Variants in NELL1 observed in about 807,000 individuals in gnomAD.
NELL1 encodes the protein protein kinase C-binding protein NELL1.
A neutral mutation model predicts 107.4 loss-of-function variants in NELL1; 76 were observed. The observed-to-expected ratio is 0.71, with a 90% CI of 0.59 to 0.86. The LOEUF (loss-of-function observed/expected upper bound fraction) is 0.86. Among genes scored for constraint, NELL1 ranks in the 40% least tolerant of loss-of-function variants. NELL1 has a pLI of 0.00. For missense variants in NELL1, 1,024 were observed against 1,005.5 expected, an observed-to-expected ratio of 1.02 and a Z score of -0.25; for synonymous variants, 353 against 341.2, an observed-to-expected ratio of 1.03 and a Z score of -0.38.
chr11:20,988,018 C>A (rs1851887070), intron 12 of NELL1, among the ~76,000 whole-genome samples: 1 of 152,100 alleles, frequency 6.6e-6, no homozygotes, highest in African/African-American at 2.4e-5. Context: ...AACAACTAAA[C>A]CATCCCTGTG....
At chr11:21,168,358 T>A (rs1856530046) in intron 13 of NELL1, among the ~76,000 whole-genome samples, 1 of 151,872 alleles carries the variant, frequency 6.6e-6, no homozygotes, top group Non-Finnish European at 1.5e-5. Context: ...CATCTCACTG[T>A]AATTCAGATA....
chr11:20,822,114 A>T (rs1857769213), intron 3 of NELL1, among the ~76,000 whole-genome samples: 1 of 152,198 alleles, frequency 6.6e-6, no homozygotes, highest in Non-Finnish European at 1.5e-5. Context: ...GGAGCAGATG[A>T]TAACTAGCAG....
At chr11:21,146,638 A>G (rs1855984980) in intron 13 of NELL1, among the ~76,000 whole-genome samples, 2 of 152,234 alleles carry the variant, frequency 1.3e-5, no homozygotes, top group South Asian at 4.1e-4. Flanking sequence ...GGTAGAGTAT[A>G]GCTATGAGAG....
chr11:20,757,316 T>A (rs1345648108), intron 2 of NELL1, among the ~76,000 whole-genome samples: 1 of 152,206 alleles, frequency 6.6e-6, no homozygotes, highest in African/African-American at 2.4e-5. Flanking sequence ...TTTATCTTCC[T>A]ACCCCATCAC....
At position 21,113,584 on chromosome 11, in the gene NELL1, T is replaced by C; in HGVS notation, c.1301-5T>C. ...CCATGATCTTACTTATTTTTTTTCC[T>C]TCAGATATTGATGAGTGTGCAGCTA... On this transcript the variant is annotated splice_region_variant and splice_polypyrimidine_tract_variant and intron_variant, in intron 12 of 19. Transcript: ENST00000357134. The C allele has an allele frequency of 6.2e-7, 1 of 1,608,820 alleles. No individual in the cohort carries two copies. Among genetic ancestry groups the C allele is most frequent in the Non-Finnish European group, 8.5e-7 (1 of 1,177,198 alleles).
At chr11:21,426,506 A>G (rs1333898423) in intron 15 of NELL1, among the ~76,000 whole-genome samples, 5 of 152,250 alleles carry the variant, frequency 3.3e-5, no homozygotes, top group Admixed American at 6.5e-5. Flanking sequence ...AATATTCTTG[A>G]GGAGACATAC....
intron 14 of NELL1, among the ~76,000 whole-genome samples, chr11:21,266,071 G>T (rs1486137366): frequency 6.6e-6 from 1 of 151,894 alleles, no homozygotes; most frequent in Non-Finnish European, 1.5e-5. Flanking sequence ...CTTAAGATTG[G>T]ATGATTCCCT....
At chr11:21,131,386 C>A (rs896945406) in intron 13 of NELL1, among the ~76,000 whole-genome samples, 3 of 152,122 alleles carry the variant, frequency 2.0e-5, no homozygotes, top group Non-Finnish European at 4.4e-5. Context: ...GAGAGGAAAG[C>A]ATTTGGTATT....
intron 15 of NELL1, among the ~76,000 whole-genome samples, chr11:21,389,958 G>A (rs1361830628): frequency 6.6e-6 from 1 of 151,668 alleles, no homozygotes; most frequent in Non-Finnish European, 1.5e-5. Flanking sequence ...GCATGCTTAG[G>A]TGTAGTTTTA....
chr11:21,402,691 C>G (rs1203405060), intron 15 of NELL1, among the ~76,000 whole-genome samples: 1 of 150,128 alleles, frequency 6.7e-6, no homozygotes, highest in African/African-American at 2.5e-5. Context: ...AAGAACAAGT[C>G]CTTGGTACCT....
rs2134018408 is a variant in NELL1 at position 21,575,152 on chromosome 11, C to T, written c.*130C>T. 1.2e-6 allele frequency: 1 copy of T among 810,828 alleles called. No individual in the cohort carries two copies. Among genetic ancestry groups the T allele is most frequent in the Non-Finnish European group, 2.0e-6 (1 of 490,856 alleles). The allele number at this position is 810,828 out of a possible 1,614,324, so 50.2% of individuals were successfully genotyped here. ...AACCACAGATAATTGCCAAAGTTTC[C>T]ACCTGAGGACGGTGTTTGGAGGTTG... On this transcript the variant is annotated 3_prime_UTR_variant, in exon 20 of 20. Coordinates refer to ENST00000357134, the MANE Select transcript of NELL1 (RefSeq NM_006157.5).
intron 12 of NELL1, among the ~76,000 whole-genome samples, chr11:21,028,950 A>C (rs1176528635): frequency 6.6e-6 from 1 of 152,182 alleles, no homozygotes; most frequent in African/African-American, 2.4e-5. Context: ...ATTTAGTAGA[A>C]ACAGATTCCC....
chr11:20,762,462 T>G lies in NELL1; in HGVS notation c.185-21218T>G, dbSNP rs75483525. 1.2e-3 allele frequency among the ~76,000 whole-genome samples: 178 copies of G among 152,326 alleles called. 1 individual carries two copies. The highest frequency in any genetic ancestry group is 4.0e-3 in the African/African-American group (167 of 41,568). On this transcript the variant is annotated intron_variant, in intron 2 of 19. Coordinates refer to ENST00000357134, the MANE Select transcript of NELL1 (RefSeq NM_006157.5). ...CTGGATGAAATAAGAAAAGCAAAGC[T>G]TCAAATCATAATTAGGGCATAAAAA...
At chr11:20,755,061 A>G (rs140992847) in intron 2 of NELL1, among the ~76,000 whole-genome samples, 3 of 152,304 alleles carry the variant, frequency 2.0e-5, no homozygotes, top group African/African-American at 7.2e-5. Context: ...ACATGTACAT[A>G]TCTGGCCTGA....
intron 13 of NELL1, among the ~76,000 whole-genome samples, chr11:21,175,206 G>A (rs555770650): frequency 6.6e-6 from 1 of 151,794 alleles, no homozygotes; most frequent in African/African-American, 2.4e-5. Flanking sequence ...ATTCTGAGTG[G>A]GTTTGTGAGC....
chr11:20,681,704 T>C (rs889857501), intron 2 of NELL1, among the ~76,000 whole-genome samples: 1 of 152,072 alleles, frequency 6.6e-6, no homozygotes, highest in African/African-American at 2.4e-5. Flanking sequence ...CTTATACTTC[T>C]AGAGGTCATA....
chr11:21,108,966 T>C (rs1280266356), intron 12 of NELL1, among the ~76,000 whole-genome samples: 1 of 152,126 alleles, frequency 6.6e-6, no homozygotes, highest in African/African-American at 2.4e-5. Context: ...AACATAATCA[T>C]AGCATCAAAA....
intron 15 of NELL1, among the ~76,000 whole-genome samples, chr11:21,489,404 A>ACAAAAC (rs201673297): frequency 2.4e-4 from 33 of 137,268 alleles, no homozygotes; most frequent in African/African-American, 9.8e-4. Flanking sequence ...AAAAAAAAAA[A>ACAAAAC]AAAACAGAAG....
At chr11:20,993,608 C>T (rs961678368) in intron 12 of NELL1, among the ~76,000 whole-genome samples, 4 of 152,126 alleles carry the variant, frequency 2.6e-5, no homozygotes, top group Non-Finnish European at 5.9e-5. Context: ...AAGTCTTGGA[C>T]ATAAAATGGA....
Sources: gnomAD v4.1 joint callset for allele counts (sites outside exome capture counted in the v4.1 genomes callset) on GRCh38, gnomAD v4.1.1 for gene constraint, MANE v1.5 for transcripts, NCBI Gene and HGNC (gene_info 2026-07-23, HGNC 2026-07-21) for gene names.